TOGARAM2: variants seen among roughly 807,000 people sequenced by gnomAD.
TOGARAM2 encodes TOG array regulator of axonemal microtubules 2.
TOGARAM2 carries 85 observed loss-of-function variants against 93.3 expected under a neutral mutation model. The observed-to-expected ratio is 0.91, with a 90% CI of 0.76 to 1.09. TOGARAM2 has a LOEUF of 1.09. Among genes scored for constraint, TOGARAM2 ranks in the 50% least tolerant of loss-of-function variants. The probability of loss-of-function intolerance (pLI) is 0.00; values close to 1 mark genes in which losing one functional copy is unlikely to be tolerated. For synonymous variants in TOGARAM2, 593 were observed against 552.8 expected (o/e 1.07, Z -1.02); for missense variants, 1,277 against 1,334.5 (o/e 0.96, Z 0.67).
chr2:29,043,019 C>T (rs987260884), intron 18 of TOGARAM2, among the ~76,000 whole-genome samples: 2 of 152,174 alleles, frequency 1.3e-5, no homozygotes, highest in Non-Finnish European at 2.9e-5. Context: ...CTAGGCTGAG[C>T]ATTGTGGGAG....
rs139384427 is a variant in TOGARAM2 at position 28,969,601 on chromosome 2, C to G, written c.-147+12904C>G. 3.0e-3 allele frequency among the ~76,000 whole-genome samples: 459 copies of G among 152,238 alleles called. 2 individuals are homozygous for G. The highest frequency in any genetic ancestry group is 0.011 in the African/African-American group (442 of 41,544). ...ACAAAAAGTTTGGCACCAGACAGAC[C>G]TCTGTTGGAATCTAGACTCCAGCTT... is the stretch of plus-strand genomic sequence containing the variant. On this transcript the variant is annotated intron_variant, in intron 1 of 6. Coordinates refer to the TOGARAM2 transcript ENST00000401723.
chr2:28,996,489 A>AG (rs1347364684), intron 2 of TOGARAM2, among the ~76,000 whole-genome samples: 1 of 152,168 alleles, frequency 6.6e-6, no homozygotes, highest in Non-Finnish European at 1.5e-5. Flanking sequence ...GAAAACAAGT[A>AG]GAATTTGTCT....
At position 28,993,252 on chromosome 2, in the gene TOGARAM2, G is replaced by A. The variant is rs564396506; in HGVS notation, c.-110-1473G>A. On this transcript the variant is annotated intron_variant, in intron 1 of 19. Transcript: ENST00000379558. ...TATTGCTTTTCTGCATATAATTTTC[G>A]TAGAAAGTGTATCCTCTGGTTAGAG... Among the ~76,000 whole-genome samples the A allele has an allele frequency of 6.6e-4, 101 of 152,204 alleles. 1 individual carries two copies. The highest frequency in any genetic ancestry group is 1.1e-3 in the Non-Finnish European group (74 of 68,004).
intron 5 of TOGARAM2, among the ~76,000 whole-genome samples, chr2:29,003,237 G>A (rs753712548): frequency 6.6e-6 from 1 of 152,228 alleles, no homozygotes; most frequent in Non-Finnish European, 1.5e-5. Context: ...GCCCAGATGT[G>A]TTTGAAGGTC....
chr2:29,043,940 G>A (rs963256419), intron 18 of TOGARAM2, among the ~76,000 whole-genome samples: 1 of 152,254 alleles, frequency 6.6e-6, no homozygotes, highest in African/African-American at 2.4e-5. Context: ...GAGTCCTGCT[G>A]CAGTCGACTT....
chr2:28,995,050 T>TGG (rs1224164737), intron 2 of TOGARAM2, among the ~76,000 whole-genome samples, 188 bp downstream of exon 2: 5 of 152,240 alleles, frequency 3.3e-5, no homozygotes, highest in Non-Finnish European at 7.3e-5. Flanking sequence ...GCTGTCTGGG[T>TGG]GGCTCCCTGG....
intron 13 of TOGARAM2, 129 bp from the exon 14 acceptor site, chr2:29,026,724 G>C (rs1665396350): frequency 9.8e-7 from 1 of 1,017,946 alleles, no homozygotes; most frequent in Non-Finnish European, 1.4e-6. Context: ...GCTCACATGG[G>C]GACAGGTATT....
intron 6 of TOGARAM2, among the ~76,000 whole-genome samples, chr2:29,004,873 G>T (rs1445765918): frequency 6.6e-6 from 1 of 150,568 alleles, no homozygotes; most frequent in Non-Finnish European, 1.5e-5. Flanking sequence ...GTGTGCATGT[G>T]TGTGGAGTGT....
intron 1 of TOGARAM2, chr2:28,972,429 T>G (rs1457774456): frequency 6.6e-6 from 1 of 152,142 alleles, no homozygotes; most frequent in Non-Finnish European, 1.5e-5. Flanking sequence ...ACTAGTCAAG[T>G]GGAGTAGTGA....
chr2:28,990,817 G>A (rs1672683527), intron 1 of TOGARAM2, among the ~76,000 whole-genome samples: 1 of 152,014 alleles, frequency 6.6e-6, no homozygotes, highest in African/African-American at 2.4e-5. Context: ...GAGAGCTGGA[G>A]GGGGTCGAAG....
chr2:29,012,129 A>G (rs1419964200), intron 7 of TOGARAM2, among the ~76,000 whole-genome samples: 1 of 152,124 alleles, frequency 6.6e-6, no homozygotes, highest in Non-Finnish European at 1.5e-5. Flanking sequence ...TCCTGGATTG[A>G]ACTCTATGGG....
intron 1 of TOGARAM2, among the ~76,000 whole-genome samples, chr2:28,960,930 C>T (rs1293432047): frequency 3.9e-5 from 6 of 152,148 alleles, no homozygotes; most frequent in Admixed American, 1.3e-4. Flanking sequence ...AAGCTTGATT[C>T]GATTTGACAA....
intron 1 of TOGARAM2, among the ~76,000 whole-genome samples, chr2:28,982,891 C>T (rs942459713): frequency 6.6e-6 from 1 of 152,158 alleles, no homozygotes; most frequent in African/African-American, 2.4e-5. Context: ...GTCCTTATCA[C>T]AGCTGCCTCC....
chr2:28,990,894 G>A (rs1018048356), intron 1 of TOGARAM2, among the ~76,000 whole-genome samples: 2 of 151,878 alleles, frequency 1.3e-5, no homozygotes, highest in African/African-American at 2.4e-5. Flanking sequence ...AGGCGTCTCT[G>A]TCACCTGGGT....
chr2:28,980,060 C>T (rs1280771533), upstream of TOGARAM2, among the ~76,000 whole-genome samples: 1 of 152,214 alleles, frequency 6.6e-6, no homozygotes, highest in Non-Finnish European at 1.5e-5. Flanking sequence ...ACCTGTCTCC[C>T]AAGGGGAATC....
intron 19 of TOGARAM2, chr2:29,046,566 G>T (rs984244880): frequency 6.6e-6 from 1 of 152,416 alleles, no homozygotes; most frequent in Non-Finnish European, 1.5e-5. Context: ...GTGGCCCACA[G>T]CTGTCACTGC....
At chr2:28,978,407 A>G (rs1672067977), upstream of TOGARAM2, among the ~76,000 whole-genome samples, 1 of 152,156 alleles carries the variant, frequency 6.6e-6, no homozygotes, top group Non-Finnish European at 1.5e-5. Flanking sequence ...TGCTCAGGTC[A>G]TTTGCAATGG....
chr2:29,041,212 T>A (rs1272117402), intron 18 of TOGARAM2, among the ~76,000 whole-genome samples: 1 of 152,002 alleles, frequency 6.6e-6, no homozygotes, highest in Admixed American at 6.6e-5. Flanking sequence ...TTAGTAGAGA[T>A]GGGGTTTCAC....
At chr2:28,973,998 A>G (rs530232549) in intron 1 of TOGARAM2, among the ~76,000 whole-genome samples, 34 of 152,256 alleles carry the variant, frequency 2.2e-4, no homozygotes, top group African/African-American at 5.1e-4. Context: ...TTGGTTGTCC[A>G]TGCTTTCTGA....
Sources: gnomAD v4.1 joint callset for allele counts (sites outside exome capture counted in the v4.1 genomes callset) on GRCh38, gnomAD v4.1.1 for gene constraint, MANE v1.5 for transcripts, NCBI Gene and HGNC (gene_info 2026-07-23, HGNC 2026-07-21) for gene names.